The following SREBF1 variants were observed in gnomAD, a reference collection of about 807,000 sequenced individuals.
The protein encoded by SREBF1 is sterol regulatory element-binding protein 1.
SREBF1 carries 45 observed loss-of-function variants against 100.1 expected under a neutral mutation model. The ratio of observed to expected loss-of-function variants is 0.45; its 90% confidence interval spans 0.35 to 0.58. The LOEUF (loss-of-function observed/expected upper bound fraction) is 0.58. Ranked by LOEUF, SREBF1 falls within the 20% of genes least tolerant of loss-of-function variation. SREBF1 has a pLI of 0.00. For missense variants in SREBF1, 1,324 were observed against 1,539.4 expected, an observed-to-expected ratio of 0.86 and a Z score of 2.34; for synonymous variants, 657 against 681.8, an observed-to-expected ratio of 0.96 and a Z score of 0.57.
At chr17:17,825,603 C>CTTTT (rs60178339) in intron 1 of SREBF1, among the ~76,000 whole-genome samples, 7 of 92,550 alleles carry the variant, frequency 7.6e-5, no homozygotes, top group Admixed American at 1.2e-4. Context: ...TGGCCAATTT[C>CTTTT]TTTTTTTTTT....
chr17:17,817,420 C>A lies in SREBF1; in HGVS notation c.1442G>T (p.Gly481Val), dbSNP rs777163950. 2 of 1,595,462 alleles carry A rather than the reference C, an allele frequency of 1.3e-6. No individual in the cohort carries two copies. The highest frequency in any genetic ancestry group is 1.1e-5 in the South Asian group (1 of 88,622). The stretch of plus-strand genomic sequence containing the variant: ...GGCCAGGCGGGAGCGGTCCAGCATG[C>A]CCCGGCTGTGCAGAGACGGCCGCTG... ...PEQRPSLHSR[G>V]MLDRSRLALC... Residue 481 changes from glycine (G) to valine (V), a missense_variant, in exon 8 of 19, where the codon GGC becomes GTC. Physicochemically the swap from Gly to Val is moderately radical, Grantham distance 109 (BLOSUM62 -3). Transcript: ENST00000261646. The surrounding 1 kb of genome is among the most constrained non-coding windows in gnomAD (Gnocchi z 6.6).
At chr17:17,829,884 C>G (rs2034750499) in intron 1 of SREBF1, among the ~76,000 whole-genome samples, 1 of 152,114 alleles carries the variant, frequency 6.6e-6, no homozygotes, top group Non-Finnish European at 1.5e-5. Context: ...AAGCGATCCC[C>G]CTGCCTCAGC....
Position 17,818,320 on chromosome 17 carries a change from G to A in SREBF1, c.1123C>T (p.His375Tyr). ...TCCTGCTTGAGTTTCTGGTTGCTGTGTTGCAGAAAGCGAATGTAGTCGATG... is the reference window on the plus strand; with the variant it reads ...TCCTGCTTGAGTTTCTGGTTGCTGTATTGCAGAAAGCGAATGTAGTCGATG... ...KAIDYIRFLQ[H>Y]SNQKLKQENL... The change falls in exon 6 of 19, where the codon CAC becomes TAC. Residue 375 changes from histidine to tyrosine, a missense_variant. Transcript: ENST00000261646. 1 of 1,613,904 alleles carries A rather than the reference G, an allele frequency of 6.2e-7. No individual in the cohort carries two copies. The highest frequency in any genetic ancestry group is 8.5e-7 in the Non-Finnish European group (1 of 1,180,020).
At chr17:17,829,303 T>C (rs776596047) in intron 1 of SREBF1, among the ~76,000 whole-genome samples, 4 of 150,518 alleles carry the variant, frequency 2.7e-5, no homozygotes, top group Non-Finnish European at 5.9e-5. Flanking sequence ...TTTCTCCCTC[T>C]TGAGTTGTTT....
At chr17:17,825,912 A>G (rs770234388) in intron 1 of SREBF1, among the ~76,000 whole-genome samples, 3 of 152,098 alleles carry the variant, frequency 2.0e-5, no homozygotes, top group Non-Finnish European at 4.4e-5. Flanking sequence ...CACCGTGCCA[A>G]TTTCTGTGGA....
rs8067280 is a variant in SREBF1 at position 17,824,876 on chromosome 17, G to A, written c.92-4355C>T. 0.053 allele frequency among the ~76,000 whole-genome samples: 8,088 copies of A among 152,198 alleles called. 748 individuals are homozygous for A. Among genetic ancestry groups the A allele is most frequent in the African/African-American group, 0.18 (7,577 of 41,514 alleles). ...CTCGCAACCTGTCCTCGCCACCGCC[G>A]TCCAGCCCAGGCCCTTATTTCCCAG... On this transcript the variant is annotated intron_variant, in intron 1 of 18. Coordinates refer to ENST00000261646, the MANE Select transcript of SREBF1 (RefSeq NM_004176.5). The surrounding 1 kb of genome is among the most constrained non-coding windows in gnomAD (Gnocchi z 4.2).
Position 17,813,686 on chromosome 17 carries a change from T to TGGGGTC in SREBF1, c.2984_2985insGACCCC (p.Pro995_Ala996insThrPro). Reference sequence around the variant, plus strand: ...GCCTGCTGCTGGTGCCCTGGGCTGCTGGGGCCGGGGCCGGGGGCTGCTGCT... The same window carrying TGGGGTC: ...GCCTGCTGCTGGTGCCCTGGGCTGCTGGGGTCGGGGCCGGGGCCGGGGGCTGCTGCT... On this transcript the variant is annotated inframe_insertion, in exon 17 of 19. Coordinates refer to ENST00000261646, the MANE Select transcript of SREBF1 (RefSeq NM_004176.5). 6.5e-7 allele frequency: 1 copy of TGGGGTC among 1,543,576 alleles called. No homozygotes were observed. Among genetic ancestry groups the TGGGGTC allele is most frequent in the Non-Finnish European group, 8.7e-7 (1 of 1,151,170 alleles).
chr17:17,814,887 C>T lies in SREBF1; in HGVS notation c.2550G>A (p.Ala850=), dbSNP rs146124521. ...LQLLNSCSDA[A]GAPAYSFSIS... Reference sequence around the variant, plus strand: ...TGGAGAAGCTGTAGGCAGGAGCCCCCGCAGCATCAGAACAGCTGTTCAGCA... The same window carrying T: ...TGGAGAAGCTGTAGGCAGGAGCCCCTGCAGCATCAGAACAGCTGTTCAGCA... The change falls in exon 14 of 19, where the codon GCG becomes GCA. Residue 850 remains alanine, a synonymous_variant. Coordinates refer to ENST00000261646, the MANE Select transcript of SREBF1 (RefSeq NM_004176.5). 2.0e-5 allele frequency: 31 copies of T among 1,585,694 alleles called. No individual in the cohort carries two copies. Among genetic ancestry groups the T allele is most frequent in the Admixed American group, 5.5e-5 (3 of 54,726 alleles).
In SREBF1 at chr17:17,820,325, G is replaced by A; in HGVS notation, c.288C>T (p.Pro96=). The change falls in exon 2 of 19, where the codon CCC becomes CCT. Residue 96 remains proline (P), a synonymous_variant. Coordinates refer to ENST00000261646, the MANE Select transcript of SREBF1 (RefSeq NM_004176.5). ...TGGGTGCAGGCTGGGGAGGGGACAG[G>A]GGTGAGGGCGCTGCCTGCGGCCCGC... ...FLSGPQAAPS[P]LSPPQPAPTP... The A allele has an allele frequency of 6.2e-7, 1 of 1,613,718 alleles. No individual in the cohort carries two copies. The highest frequency in any genetic ancestry group is 1.1e-5 in the South Asian group (1 of 91,082).
Position 17,812,828 on chromosome 17 carries a change from G to A in SREBF1, c.3238C>T (p.Arg1080Trp), listed in dbSNP as rs1175873909. 16 of 1,475,380 alleles carry A rather than the reference G, an allele frequency of 1.1e-5. No individual in the cohort carries two copies. The highest frequency in any genetic ancestry group is 2.9e-5 in the African/African-American group (2 of 69,566). The allele number at this position is 1,475,380 out of a possible 1,614,324, so 91.4% of individuals were successfully genotyped here. A position where few individuals can be genotyped will look rare whatever the true frequency, so the allele number is the denominator to read the frequency against. ...KGGAVAELEP[R>W]PTRREHAEAL... ...TCCGCGTGCTCCCGCCGCGTGGGCCGCGGCTCCAGCTCCGCCACCGCGCCT... is the reference window on the plus strand; with the variant it reads ...TCCGCGTGCTCCCGCCGCGTGGGCCACGGCTCCAGCTCCGCCACCGCGCCT... Residue 1080 changes from arginine to tryptophan, a missense_variant, in exon 19 of 19, where the codon CGG becomes TGG. By Grantham distance (101) the Arg-to-Trp change is moderately radical. Coordinates refer to ENST00000261646, the MANE Select transcript of SREBF1 (RefSeq NM_004176.5).
rs2033952480 is a variant in SREBF1, at chr17:17,819,813, T to G, written c.524-88A>C. ...TCAGGTCTCTATCACCGACTGGCCT[T>G]GGATGAGTCATTGCCCCATGTGGCT... is the stretch of plus-strand genomic sequence containing the variant. On this transcript the variant is annotated intron_variant, in intron 2 of 18. Transcript: ENST00000261646. The G allele has an allele frequency of 5.5e-6, 8 of 1,462,430 alleles. No individual in the cohort carries two copies. The South Asian group carries it at 9.4e-5, about 17-fold the overall frequency. The allele number at this position is 1,462,430 out of a possible 1,614,324, so 90.6% of individuals were successfully genotyped here. A position where few individuals can be genotyped will look rare whatever the true frequency, so the allele number is the denominator to read the frequency against.
intron 13 of SREBF1, 102 bp downstream of exon 13, chr17:17,815,118 AC>A (rs2033414675): frequency 1.5e-6 from 2 of 1,291,346 alleles, no homozygotes; most frequent in Admixed American, 1.7e-5. Context: ...CATGGCACGC[AC>A]GGTAGCCCAG....
chr17:17,823,663 G>T, intron 1 of SREBF1: 1 of 1,150,578 alleles, frequency 8.7e-7, no homozygotes. Flanking sequence ...CGCCCGCCCC[G>T]CCCCGCCCCG....
chr17:17,833,719 A>AT (rs2143204035), intron 1 of SREBF1, among the ~76,000 whole-genome samples: 1 of 152,250 alleles, frequency 6.6e-6, no homozygotes, highest in African/African-American at 2.4e-5. Context: ...ATGGTGGTTC[A>AT]TGCCCTGTAA....
chr17:17,820,170 C>G lies in SREBF1; in HGVS notation c.443G>C (p.Ser148Thr). The G allele has an allele frequency of 1.9e-6, 3 of 1,613,298 alleles. No individual in the cohort carries two copies. The highest frequency in any genetic ancestry group is 2.5e-6 in the Non-Finnish European group (3 of 1,179,720). The change falls in exon 2 of 19, where the codon AGC (serine) becomes ACC (threonine). Residue 148 changes from serine (S) to threonine (T), a missense_variant. Ser to Thr is a moderately conservative substitution (Grantham distance 58). Coordinates refer to ENST00000261646, the MANE Select transcript of SREBF1 (RefSeq NM_004176.5). ...QPLPGALLPQ[S>T]FPAPAPPQFS... is the part of the protein sequence containing the mutation. ...CTGCGGTGGGGCTGGGGCTGGGAAG[C>G]TCTGTGGCAGGAGGGCCCCTGGCAG...
Position 17,825,195 on chromosome 17 carries a change from G to A in SREBF1, c.92-4674C>T, listed in dbSNP as rs532576137. On this transcript the variant is annotated intron_variant, in intron 1 of 18. Transcript: ENST00000261646. ...AGCAGATACTAGCCTGAGACAGCAG[G>A]GCCAGGGCCACTGTGAACAGTCAAG... Among the ~76,000 whole-genome samples the A allele has an allele frequency of 7.9e-5, 12 of 152,288 alleles. No individual in the cohort carries two copies. The East Asian group carries it at 2.3e-3, about 29-fold the overall frequency.
In SREBF1 at chr17:17,811,816, G is replaced by A. The variant is rs1567946726; in HGVS notation, c.*806C>T. On this transcript the variant is annotated 3_prime_UTR_variant, in exon 19 of 19. Transcript: ENST00000261646. ...GGGACAGAGCTGGGAGGTGAGAAGG[G>A]ACAACTGACCCCATGGAGGCCCTAA... The A allele has an allele frequency of 2.2e-6, 1 of 451,082 alleles. No homozygotes were observed. The highest frequency in any genetic ancestry group is 2.4e-5 in the Admixed American group (1 of 41,642). 27.9% of individuals were successfully genotyped at this position (451,082 alleles called of 1,614,324 possible). A position where few individuals can be genotyped will look rare whatever the true frequency, so the allele number is the denominator to read the frequency against.
intron 13 of SREBF1, 95 bp from the exon 14 acceptor site, chr17:17,815,039 T>A: frequency 7.6e-7 from 1 of 1,314,958 alleles, no homozygotes; most frequent in Non-Finnish European, 1.1e-6. Flanking sequence ...GGCCCCTGGC[T>A]CTGCAAAGTG....
chr17:17,836,974 T>G lies in SREBF1; in HGVS notation c.-157A>C. 24 of 570,752 alleles carry G rather than the reference T, an allele frequency of 4.2e-5. No individual in the cohort carries two copies. The highest frequency in any genetic ancestry group is 7.5e-5 in the East Asian group (2 of 26,742). 35.4% of individuals were successfully genotyped at this position (570,752 alleles called of 1,614,324 possible). ...GAGGCGGCCCGGCGCCGGCGAAAAG[T>G]TCCTCGGAAACTGGGTTCCCCCGGC... On this transcript the variant is annotated 5_prime_UTR_variant, in exon 1 of 19. Transcript: ENST00000261646.
Sources: allele counts gnomAD v4.1 joint callset (sites outside exome capture counted in the v4.1 genomes callset), GRCh38; gene constraint gnomAD v4.1.1; non-coding constraint Gnocchi (gnomAD v3.1); transcripts MANE v1.5; gene names NCBI Gene and HGNC (gene_info 2026-07-23, HGNC 2026-07-21).